Variants in TMEM117 observed in about 807,000 individuals in gnomAD.
TMEM117 encodes the protein transmembrane protein 117.
TMEM117 carries 27 observed loss-of-function variants against 52.4 expected under a neutral mutation model. The observed-to-expected ratio is 0.51, with a 90% confidence interval of 0.38 to 0.71. The LOEUF (loss-of-function observed/expected upper bound fraction) is 0.71. Ranked by LOEUF, TMEM117 falls within the 30% of genes least tolerant of loss-of-function variation. The pLI, the probability that TMEM117 is intolerant of heterozygous loss-of-function variation, is 0.00. For missense variants in TMEM117, 556 were observed against 630.5 expected (o/e 0.88, Z 1.26); for synonymous variants, 215 against 206.3 (o/e 1.04, Z -0.36).
chr12:44,321,048 T>G (rs985256106), intron 6 of TMEM117, among the ~76,000 whole-genome samples: 5 of 152,230 alleles, frequency 3.3e-5, no homozygotes, highest in Admixed American at 1.3e-4. Context: ...TTCGGATCAA[T>G]GTACTTGTGT....
chr12:44,268,625 A>G (rs1950409174), intron 5 of TMEM117, among the ~76,000 whole-genome samples: 1 of 152,168 alleles, frequency 6.6e-6, no homozygotes, highest in Non-Finnish European at 1.5e-5. Flanking sequence ...ACATATATGT[A>G]TACTATACAG....
chr12:44,207,641 G>A (rs1949587270), intron 4 of TMEM117, among the ~76,000 whole-genome samples: 1 of 152,010 alleles, frequency 6.6e-6, no homozygotes, highest in South Asian at 2.1e-4. Context: ...ATTCATTTGT[G>A]TGTTGTATTA....
chr12:44,345,330 T>C (rs1408535214), intron 6 of TMEM117, among the ~76,000 whole-genome samples: 1 of 152,110 alleles, frequency 6.6e-6, no homozygotes, highest in African/African-American at 2.4e-5. Flanking sequence ...CATATTCCCC[T>C]CAGTTCCTTT....
chr12:44,101,881 CTG>C (rs1186285663), intron 3 of TMEM117, among the ~76,000 whole-genome samples: 1 of 151,898 alleles, frequency 6.6e-6, no homozygotes, highest in East Asian at 1.9e-4. Context: ...GCAAGGGTAA[CTG>C]TAATGTCTGT....
At chr12:44,281,487 C>T (rs1219088007) in intron 5 of TMEM117, among the ~76,000 whole-genome samples, 4 of 152,118 alleles carry the variant, frequency 2.6e-5, no homozygotes, top group Non-Finnish European at 5.9e-5. Context: ...TATGTAAACA[C>T]TTTGTCTTCA....
intron 3 of TMEM117, among the ~76,000 whole-genome samples, chr12:44,062,591 T>G (rs1266248868): frequency 6.6e-6 from 1 of 152,226 alleles, no homozygotes; most frequent in African/African-American, 2.4e-5. Context: ...CTCTACCCTT[T>G]GTTCCTTGTG....
intron 4 of TMEM117, among the ~76,000 whole-genome samples, chr12:44,180,836 A>C (rs978231217): frequency 1.3e-5 from 2 of 152,102 alleles, no homozygotes; most frequent in African/African-American, 4.8e-5. Flanking sequence ...TCTTTATAGC[A>C]GCATGATTTA....
At chr12:44,287,541 GTTC>G (rs1183730711) in intron 5 of TMEM117, among the ~76,000 whole-genome samples, 1 of 152,178 alleles carries the variant, frequency 6.6e-6, no homozygotes, top group Non-Finnish European at 1.5e-5. Context: ...CCTTTTAACT[GTTC>G]CCTGCTGTCC....
chr12:44,347,794 A>G (rs1297666608), intron 6 of TMEM117, among the ~76,000 whole-genome samples: 1 of 152,080 alleles, frequency 6.6e-6, no homozygotes, highest in African/African-American at 2.4e-5. Flanking sequence ...GTACCCTGTC[A>G]TCAGAATTTT....
chr12:44,172,089 T>C (rs79688236), intron 4 of TMEM117, among the ~76,000 whole-genome samples: 1,747 of 152,328 alleles, frequency 0.011, 22 homozygotes, highest in South Asian at 0.052. Flanking sequence ...TTGAAGACTT[T>C]GTTAAGATGA....
intron 6 of TMEM117, among the ~76,000 whole-genome samples, chr12:44,323,577 G>A (rs965759235): frequency 3.9e-5 from 6 of 152,098 alleles, no homozygotes; most frequent in African/African-American, 1.2e-4. Context: ...CACTTTTGCT[G>A]TTGGTACCTG....
At chr12:43,850,564 C>T (rs1026161073) in intron 2 of TMEM117, among the ~76,000 whole-genome samples, 1 of 152,082 alleles carries the variant, frequency 6.6e-6, no homozygotes, top group Non-Finnish European at 1.5e-5. Context: ...GCTAGTTTTC[C>T]ATTTTCCTTC....
the TMEM117 span, chr12:43,800,662 A>G: frequency 9.6e-6 from 6 of 626,076 alleles, no homozygotes; most frequent in South Asian, 6.1e-5. Flanking sequence ...CCACTATAAT[A>G]TGCTAAAATA....
intron 2 of TMEM117, among the ~76,000 whole-genome samples, chr12:43,935,569 T>C (rs1401163339): frequency 6.6e-6 from 1 of 152,206 alleles, no homozygotes; most frequent in African/African-American, 2.4e-5. Flanking sequence ...TATTTTTTCT[T>C]TTAGTGGGTA....
At chr12:44,188,763 T>G (rs1308924841) in intron 4 of TMEM117, among the ~76,000 whole-genome samples, 2 of 152,150 alleles carry the variant, frequency 1.3e-5, no homozygotes, top group Non-Finnish European at 2.9e-5. Context: ...TTCTTTTTCT[T>G]TTTTTTCATG....
intron 5 of TMEM117, among the ~76,000 whole-genome samples, chr12:44,263,124 C>G (rs1395636971): frequency 6.6e-6 from 1 of 152,112 alleles, no homozygotes; most frequent in African/African-American, 2.4e-5. Flanking sequence ...TTTGAAATAG[C>G]ATTTTCACTT....
At chr12:44,150,496 T>A (rs1294836163) in intron 4 of TMEM117, among the ~76,000 whole-genome samples, 1 of 152,052 alleles carries the variant, frequency 6.6e-6, no homozygotes, top group Non-Finnish European at 1.5e-5. Context: ...GACGGCAGAT[T>A]TAGTGGCACC....
At chr12:43,986,344 T>C (rs1945846848) in intron 3 of TMEM117, among the ~76,000 whole-genome samples, 1 of 152,154 alleles carries the variant, frequency 6.6e-6, no homozygotes, top group Non-Finnish European at 1.5e-5. Flanking sequence ...ATATAAAGTA[T>C]TTTTCTTTTC....
chr12:44,300,829 T>C (rs1950830187), intron 6 of TMEM117, among the ~76,000 whole-genome samples: 1 of 152,178 alleles, frequency 6.6e-6, no homozygotes, highest in Admixed American at 6.5e-5. Context: ...GAAATAGCAA[T>C]GGAAAAAACT....
Sources: allele counts gnomAD v4.1 joint callset (sites outside exome capture counted in the v4.1 genomes callset), GRCh38; gene constraint gnomAD v4.1.1; transcripts MANE v1.5; gene names NCBI Gene and HGNC (gene_info 2026-07-23, HGNC 2026-07-21).